The following CDH12 variants were observed in gnomAD, a reference collection of about 807,000 sequenced individuals.
The protein encoded by CDH12 is cadherin-12.
A neutral mutation model predicts 74.1 loss-of-function variants in CDH12; 41 were observed. The ratio of observed to expected loss-of-function variants is 0.55; its 90% CI spans 0.43 to 0.72. The LOEUF (loss-of-function observed/expected upper bound fraction) is 0.72. CDH12 is among the 30% of genes least tolerant of loss of function. The pLI is 0.00. For synonymous variants in CDH12, 399 were observed against 355.0 expected (o/e 1.12, Z -1.39); for missense variants, 945 against 977.2 (o/e 0.97, Z 0.44).
intron 10 of CDH12, among the ~76,000 whole-genome samples, chr5:21,797,463 T>G (rs1746850396): frequency 6.6e-6 from 1 of 152,122 alleles, no homozygotes; most frequent in Non-Finnish European, 1.5e-5. Flanking sequence ...CTGACACTAT[T>G]CCAGTTTGTT....
Position 22,812,130 on chromosome 5 carries a change from A to T in CDH12, c.-523+40928T>A, listed in dbSNP as rs529914330. ...ACTGTGGAACTGGACATATAAGATT[A>T]TGAAATCATGAAAATGTATTCTATT... On this transcript the variant is annotated intron_variant, in intron 1 of 14. Coordinates refer to ENST00000382254, the MANE Select transcript of CDH12 (RefSeq NM_004061.5). 5.0e-4 allele frequency among the ~76,000 whole-genome samples: 76 copies of T among 152,288 alleles called. 1 individual carries two copies. In the South Asian group the frequency reaches 0.013, roughly 27 times the overall value.
intron 4 of CDH12, among the ~76,000 whole-genome samples, chr5:22,211,329 C>T (rs1294044856): frequency 6.6e-6 from 1 of 152,044 alleles, no homozygotes; most frequent in Non-Finnish European, 1.5e-5. Context: ...CAACCTGTTT[C>T]AGTATTATAC....
At chr5:22,311,702 CAAAAA>C (rs138539518) in intron 3 of CDH12, among the ~76,000 whole-genome samples, 2 of 94,710 alleles carry the variant, frequency 2.1e-5, no homozygotes. Context: ...GACTCCATCT[CAAAAA>C]AAAAAAAAAA....
chr5:21,761,742 T>TATAGATAGATAGATAG (rs5866522), intron 12 of CDH12, among the ~76,000 whole-genome samples: 419 of 147,456 alleles, frequency 2.8e-3, no homozygotes, highest in East Asian at 4.2e-3. Context: ...GATGGATAGA[T>TATAGATAGATAGATAG]ATAGATAGAT....
At position 22,772,740 on chromosome 5, in the gene CDH12, C is replaced by G. The variant is rs1746876565; in HGVS notation, c.-523+80318G>C. Among the ~76,000 whole-genome samples the G allele has an allele frequency of 3.3e-5, 5 of 152,014 alleles. No homozygotes were observed. The South Asian group carries it at 1.0e-3, about 31-fold the overall frequency. The stretch of plus-strand genomic sequence containing the variant: ...CTGATTTGTATGCAGGATCCACAGT[C>G]AGTGTATTTGTATAAGTTTGTTTGT... On this transcript the variant is annotated intron_variant, in intron 1 of 14. Coordinates refer to ENST00000382254, the MANE Select transcript of CDH12 (RefSeq NM_004061.5).
At chr5:22,237,259 G>C (rs2150378641) in intron 3 of CDH12, among the ~76,000 whole-genome samples, 1 of 152,146 alleles carries the variant, frequency 6.6e-6, no homozygotes, top group South Asian at 2.1e-4. Flanking sequence ...GTTGTTATGT[G>C]GTGCATGACA....
chr5:21,868,590 T>C (rs1217195011), intron 6 of CDH12, among the ~76,000 whole-genome samples: 3 of 152,210 alleles, frequency 2.0e-5, no homozygotes, highest in Non-Finnish European at 2.9e-5. Context: ...GTTTACCCTG[T>C]TGGGCTTTGG....
chr5:22,581,992 C>T (rs72746620), intron 1 of CDH12, among the ~76,000 whole-genome samples: 9,252 of 152,100 alleles, frequency 0.061, 491 homozygotes, highest in East Asian at 0.2. Context: ...TTGTAACTCA[C>T]GGCACATTTT....
At chr5:21,903,327 C>G (rs1231257233) in intron 6 of CDH12, among the ~76,000 whole-genome samples, 2 of 152,030 alleles carry the variant, frequency 1.3e-5, no homozygotes, top group Non-Finnish European at 2.9e-5. Flanking sequence ...ACTTAGCTCC[C>G]TGTGAAAATA....
chr5:22,099,049 C>G (rs1029149128), intron 4 of CDH12, among the ~76,000 whole-genome samples: 16 of 152,282 alleles, frequency 1.1e-4, no homozygotes, highest in African/African-American at 3.4e-4. Context: ...TTTGCCCCCA[C>G]CCAGGACTGG....
chr5:22,145,992 C>T (rs965171135), intron 4 of CDH12, among the ~76,000 whole-genome samples: 1 of 151,906 alleles, frequency 6.6e-6, no homozygotes, highest in African/African-American at 2.4e-5. Flanking sequence ...ATCATTTAAA[C>T]ATTTTTCTAG....
chr5:22,004,650 C>T (rs566296932), intron 5 of CDH12, among the ~76,000 whole-genome samples: 13 of 152,270 alleles, frequency 8.5e-5, no homozygotes, highest in African/African-American at 3.1e-4. Flanking sequence ...TTGTCAATCC[C>T]ACTTTATTCT....
At chr5:21,974,802 A>G (rs1018947055) in intron 6 of CDH12, among the ~76,000 whole-genome samples, 4 of 152,168 alleles carry the variant, frequency 2.6e-5, no homozygotes, top group African/African-American at 4.8e-5. Flanking sequence ...GATAACAATC[A>G]ATTTCAATAC....
At chr5:22,382,715 A>G (rs1741822205) in intron 3 of CDH12, among the ~76,000 whole-genome samples, 2 of 152,150 alleles carry the variant, frequency 1.3e-5, no homozygotes, top group Non-Finnish European at 2.9e-5. Flanking sequence ...TTATTTGTAA[A>G]TGTAGTAAAA....
At chr5:22,148,929 G>T (rs1188708088) in intron 4 of CDH12, among the ~76,000 whole-genome samples, 3 of 152,118 alleles carry the variant, frequency 2.0e-5, no homozygotes, top group African/African-American at 7.2e-5. Context: ...GACCAAACTG[G>T]CCAACATGGT....
intron 1 of CDH12, among the ~76,000 whole-genome samples, chr5:22,786,323 G>GGGGA (rs1250407989): frequency 6.6e-6 from 1 of 152,190 alleles, no homozygotes; most frequent in East Asian, 1.9e-4. Context: ...TTGCAGTTGT[G>GGGGA]AATGTAGACA....
chr5:22,191,866 C>T (rs1169927571), intron 4 of CDH12, among the ~76,000 whole-genome samples: 15 of 152,128 alleles, frequency 9.9e-5, no homozygotes, highest in African/African-American at 2.9e-4. Flanking sequence ...GCCCGGCCCA[C>T]CAATGGTCTT....
intron 1 of CDH12, among the ~76,000 whole-genome samples, chr5:22,775,801 G>C (rs992959309): frequency 7.9e-5 from 12 of 152,032 alleles, no homozygotes; most frequent in African/African-American, 2.7e-4. Context: ...TCCCCGCCCA[G>C]CTCTCAATTG....
intron 3 of CDH12, among the ~76,000 whole-genome samples, chr5:22,264,286 C>G (rs1334548577): frequency 6.6e-6 from 1 of 151,760 alleles, no homozygotes; most frequent in African/African-American, 2.4e-5. Flanking sequence ...CATACACAAA[C>G]CCATGAATAT....
Sources: gnomAD v4.1 joint callset for allele counts (sites outside exome capture counted in the v4.1 genomes callset) on GRCh38, gnomAD v4.1.1 for gene constraint, MANE v1.5 for transcripts, NCBI Gene and HGNC (gene_info 2026-07-23, HGNC 2026-07-21) for gene names.